The following ADRA2B variants were observed in gnomAD, a reference collection of about 807,000 sequenced individuals.
The protein encoded by ADRA2B is alpha-2B adrenergic receptor.
In ADRA2B, 14 loss-of-function variants were observed where a neutral mutation model predicts 14.4. The ratio of observed to expected loss-of-function variants is 0.97; its 90% CI spans 0.64 to 1.52. ADRA2B has a LOEUF of 1.52. Among genes scored for constraint, ADRA2B ranks in the 40% most tolerant of loss-of-function variants. The pLI is 0.00. For missense variants in ADRA2B, 606 were observed against 603.2 expected (o/e 1.00, Z -0.05); for synonymous variants, 250 against 263.7 (o/e 0.95, Z 0.50).
In ADRA2B at chr2:96,115,226, TTCCTCC is replaced by T. The variant is rs1354862709; in HGVS notation, c.918_923del (p.Glu308_Glu309del). 2.3e-5 allele frequency: 35 copies of T among 1,539,730 alleles called. No homozygotes were observed. Among genetic ancestry groups the T allele is most frequent in the Middle Eastern group, 1.7e-4 (1 of 5,982 alleles). On this transcript the variant is annotated inframe_deletion, in exon 1 of 1. Coordinates refer to ENST00000620793, the MANE Select transcript of ADRA2B (RefSeq NM_000682.7). Reference sequence around the variant, plus strand: ...CTGGCACTGCCTGGGGTTCACACTCTTCCTCCTCCTCCTCCTCCTCTTCCTCCTCTT... The same window carrying T: ...CTGGCACTGCCTGGGGTTCACACTCTTCCTCCTCCTCCTCTTCCTCCTCTT...
Position 96,115,444 on chromosome 2 carries a change from C to T in ADRA2B, c.706G>A (p.Ala236Thr). ...CTGGCAGAAGCCACAGAGGCCAGGG[C>T]TGGCAGTTTGGCTGAGGCCAAAGCC... ...GGALASAKLPALASVASAREV... is the reference protein window; with the variant it reads ...GGALASAKLPTLASVASAREV... The change falls in exon 1 of 1, where the codon GCC (alanine) becomes ACC (threonine). Residue 236 changes from alanine to threonine, a missense_variant. Transcript: ENST00000620793. 6.2e-7 allele frequency: 1 copy of T among 1,612,954 alleles called. No individual in the cohort carries two copies. The highest frequency in any genetic ancestry group is 8.5e-7 in the Non-Finnish European group (1 of 1,179,462).
rs1281377760 is a variant in ADRA2B at position 96,113,972 on chromosome 2, G to A, written c.*825C>T. Reference sequence around the variant, plus strand: ...AGTGTGTTCCCCCACAGAGCTCAAAGCTTTCTGCAAAGCCTTTCATCTCCC... The same window carrying A: ...AGTGTGTTCCCCCACAGAGCTCAAAACTTTCTGCAAAGCCTTTCATCTCCC... On this transcript the variant is annotated 3_prime_UTR_variant, in exon 1 of 1. Coordinates refer to ENST00000620793, the MANE Select transcript of ADRA2B (RefSeq NM_000682.7). 1.0e-6 allele frequency: 1 copy of A among 985,766 alleles called. No homozygotes were observed. The highest frequency in any genetic ancestry group is 1.2e-6 in the Non-Finnish European group (1 of 829,942). The allele number at this position is 985,766 out of a possible 1,614,324, so 61.1% of individuals were successfully genotyped here.
rs567807078 is a variant in ADRA2B at position 96,114,602 on chromosome 2, C to G, written c.*195G>C. The G allele has an allele frequency of 2.4e-5, 34 of 1,420,472 alleles. No homozygotes were observed. In the South Asian group the frequency reaches 4.6e-4, roughly 19 times the overall value. The allele number at this position is 1,420,472 out of a possible 1,614,324, so 88.0% of individuals were successfully genotyped here. A position where few individuals can be genotyped will look rare whatever the true frequency, so the allele number is the denominator to read the frequency against. ...GAGAAGGGGTCCCCCACAGCTAAGC[C>G]GGCAAGGGGAAGCTTCACTGGGACC... On this transcript the variant is annotated 3_prime_UTR_variant, in exon 1 of 1. Transcript: ENST00000620793.
chr2:96,115,565 G>A lies in ADRA2B; in HGVS notation c.585C>T (p.Ile195=). Residue 195 remains isoleucine, a synonymous_variant, in exon 1 of 1, where the codon ATC becomes ATT. Coordinates refer to ENST00000620793, the MANE Select transcript of ADRA2B (RefSeq NM_000682.7). ...GGTTGCTGCGTTTGGCGATCAGGTA[G>A]ATGCGCAGGTAGACAAGGATCATGA... is the stretch of plus-strand genomic sequence containing the variant. ...CLIMILVYLR[I]YLIAKRSNRR... The A allele has an allele frequency of 6.2e-7, 1 of 1,613,940 alleles. No homozygotes were observed. The highest frequency in any genetic ancestry group is 1.1e-5 in the South Asian group (1 of 91,092).
Position 96,116,079 on chromosome 2 carries a change from A to G in ADRA2B, c.71T>C (p.Leu24Pro). The change falls in exon 1 of 1, where the codon CTC (leucine) becomes CCC (proline). Residue 24 changes from leucine (L) to proline (P), a missense_variant. Physicochemically the swap from Leu to Pro is moderately conservative, Grantham distance 98. Transcript: ENST00000620793. ...CAGAGCGTTGCCGAAGATGGTAAAG[A>G]GAATGAGGAAGGTGATGGCCGCCGC... ...AIAAAITFLI[L>P]FTIFGNALVI... The G allele has an allele frequency of 6.2e-7, 1 of 1,612,618 alleles. No homozygotes were observed. Among genetic ancestry groups the G allele is most frequent in the Non-Finnish European group, 8.5e-7 (1 of 1,179,582 alleles).
At position 96,113,926 on chromosome 2, in the gene ADRA2B, T is replaced by C. The variant is rs756557066; in HGVS notation, c.*871A>G. ...GGAAAGGGATTTTTATATCACCATATAATCACATTTTTGGTTCTCTAGTGT... is the reference window on the plus strand; with the variant it reads ...GGAAAGGGATTTTTATATCACCATACAATCACATTTTTGGTTCTCTAGTGT... On this transcript the variant is annotated 3_prime_UTR_variant, in exon 1 of 1. Transcript: ENST00000620793. The C allele has an allele frequency of 2.3e-4, 222 of 985,770 alleles. No homozygotes were observed. Among genetic ancestry groups the C allele is most frequent in the Non-Finnish European group, 2.6e-4 (219 of 829,952 alleles). The allele number at this position is 985,770 out of a possible 1,614,324, so 61.1% of individuals were successfully genotyped here.
Position 96,115,404 on chromosome 2 carries a change from T to C in ADRA2B, c.746A>G (p.His249Arg). ...SVASAREVNG[H>R]SKSTGEKEEG... ...CTCCTTCTCCCCAGTGGACTTCGAG[T>C]GTCCGTTGACCTCTCTGGCAGAAGC... Residue 249 changes from histidine (H) to arginine (R), a missense_variant, in exon 1 of 1, where the codon CAC becomes CGC. Coordinates refer to ENST00000620793, the MANE Select transcript of ADRA2B (RefSeq NM_000682.7). 1 of 1,608,678 alleles carries C rather than the reference T, an allele frequency of 6.2e-7. No individual in the cohort carries two copies. The highest frequency in any genetic ancestry group is 8.5e-7 in the Non-Finnish European group (1 of 1,176,438).
At position 96,114,137 on chromosome 2, in the gene ADRA2B, G is replaced by A. The variant is rs772400466; in HGVS notation, c.*660C>T. ...GCATCCACGTGGCCACCCACCTACC[G>A]GAGGGGTGCTGGGTAAGGAAGCCGA... On this transcript the variant is annotated 3_prime_UTR_variant, in exon 1 of 1. Coordinates refer to ENST00000620793, the MANE Select transcript of ADRA2B (RefSeq NM_000682.7). 80 of 985,614 alleles carry A rather than the reference G, an allele frequency of 8.1e-5. No homozygotes were observed. The highest frequency in any genetic ancestry group is 1.4e-4 in the South Asian group (3 of 21,288). The allele number at this position is 985,614 out of a possible 1,614,324, so 61.1% of individuals were successfully genotyped here. A position where few individuals can be genotyped will look rare whatever the true frequency, so the allele number is the denominator to read the frequency against.
Position 96,115,970 on chromosome 2 carries a change from C to G in ADRA2B, c.180G>C (p.Leu60=). 6.2e-7 allele frequency: 1 copy of G among 1,613,774 alleles called. No individual in the cohort carries two copies. Residue 60 remains leucine (L), a synonymous_variant, in exon 1 of 1, where the codon CTG becomes CTC. Coordinates refer to ENST00000620793, the MANE Select transcript of ADRA2B (RefSeq NM_000682.7). ...AGAAAGGGATGATGAGCGTGGCCAC[C>G]AGGATGTCGGCGGCGGCCAGCGACA... The part of the protein sequence containing the change: ...FLVSLAAADI[L]VATLIIPFSL...
At position 96,115,416 on chromosome 2, in the gene ADRA2B, T is replaced by G. The variant is rs1190833206; in HGVS notation, c.734A>C (p.Glu245Ala). ...AGTGGACTTCGAGTGTCCGTTGACC[T>G]CTCTGGCAGAAGCCACAGAGGCCAG... is the stretch of plus-strand genomic sequence containing the variant. Reference protein sequence around the residue: ...PALASVASAREVNGHSKSTGE... With the variant: ...PALASVASARAVNGHSKSTGE... Residue 245 changes from glutamate to alanine, a missense_variant, in exon 1 of 1, where the codon GAG becomes GCG. By Grantham distance (107) the Glu-to-Ala change is moderately radical. Coordinates refer to ENST00000620793, the MANE Select transcript of ADRA2B (RefSeq NM_000682.7). The G allele has an allele frequency of 6.2e-7, 1 of 1,610,450 alleles. No individual in the cohort carries two copies.
In ADRA2B at chr2:96,112,995, A is replaced by G. The variant is rs540844696; in HGVS notation, c.*1802T>C. The G allele has an allele frequency of 1.0e-5, 4 of 394,824 alleles. No individual in the cohort carries two copies. Among genetic ancestry groups the G allele is most frequent in the Non-Finnish European group, 1.8e-5 (4 of 224,628 alleles). The allele number at this position is 394,824 out of a possible 1,614,324, so 24.5% of individuals were successfully genotyped here. ...ACACTGGGGGTCCCATGGGGCGCAC[A>G]CAAGACCGGCCAGCAGAGGGTCACA... On this transcript the variant is annotated 3_prime_UTR_variant, in exon 1 of 1. Transcript: ENST00000620793.
At position 96,115,669 on chromosome 2, in the gene ADRA2B, GC is replaced by G; in HGVS notation, c.480del (p.Arg161AlafsTer28). On this transcript the variant is annotated frameshift_variant, in exon 1 of 1. Transcript: ENST00000620793. LOFTEE classifies it low-confidence loss of function (END_TRUNC). The part of the protein sequence containing the change: ...YKGDQGPQPR[G>X]RPQCKLNQEA... ...TCCTGGTTGAGCTTGCACTGGGGGC[GC>G]CCGCGCGGCTGGGGGCCCTGGTCGC... 6.2e-7 allele frequency: 1 copy of G among 1,613,710 alleles called. No homozygotes were observed. Among genetic ancestry groups the G allele is most frequent in the Non-Finnish European group, 8.5e-7 (1 of 1,179,862 alleles).
At position 96,115,852 on chromosome 2, in the gene ADRA2B, TGGACGA is replaced by T; in HGVS notation, c.292_297del (p.Ser98_Ser99del). On this transcript the variant is annotated inframe_deletion, in exon 1 of 1. Transcript: ENST00000620793. ...AGGCTGATGGCGCACAGGTGCACGATGGACGAGGTGCAGAAGAGCACGTCGAGCGCC... is the reference window on the plus strand; with the variant it reads ...AGGCTGATGGCGCACAGGTGCACGATGGTGCAGAAGAGCACGTCGAGCGCC... The T allele has an allele frequency of 6.2e-7, 1 of 1,613,436 alleles. No homozygotes were observed. Among genetic ancestry groups the T allele is most frequent in the Non-Finnish European group, 8.5e-7 (1 of 1,179,724 alleles).
chr2:96,115,891 C>G lies in ADRA2B; in HGVS notation c.259G>C (p.Val87Leu), dbSNP rs1255741042. The change falls in exon 1 of 1, where the codon GTG becomes CTG. Residue 87 changes from valine to leucine, a missense_variant. Transcript: ENST00000620793. ...YWYFRRTWCE[V>L]YLALDVLFCT... The stretch of plus-strand genomic sequence containing the variant: ...AAGAGCACGTCGAGCGCCAGGTACA[C>G]CTCGCACCACGTGCGCCGGAAGTAC... 1 of 1,613,460 alleles carries G rather than the reference C, an allele frequency of 6.2e-7. No individual in the cohort carries two copies. Among genetic ancestry groups the G allele is most frequent in the Non-Finnish European group, 8.5e-7 (1 of 1,179,734 alleles).
rs902533572 is a variant in ADRA2B, at chr2:96,114,155, G to A, written c.*642C>T. On this transcript the variant is annotated 3_prime_UTR_variant, in exon 1 of 1. Coordinates refer to ENST00000620793, the MANE Select transcript of ADRA2B (RefSeq NM_000682.7). Reference sequence around the variant, plus strand: ...ACCTACCGGAGGGGTGCTGGGTAAGGAAGCCGATCCATTGTTCTGGCTTTC... The same window carrying A: ...ACCTACCGGAGGGGTGCTGGGTAAGAAAGCCGATCCATTGTTCTGGCTTTC... 18 of 985,644 alleles carry A rather than the reference G, an allele frequency of 1.8e-5. No homozygotes were observed. Among genetic ancestry groups the A allele is most frequent in the Non-Finnish European group, 1.9e-5 (16 of 830,028 alleles). The allele number at this position is 985,644 out of a possible 1,614,324, so 61.1% of individuals were successfully genotyped here.
In ADRA2B at chr2:96,115,592, G is replaced by T; in HGVS notation, c.558C>A (p.Leu186=). Residue 186 remains leucine, a synonymous_variant, in exon 1 of 1, where the codon CTC becomes CTA. Coordinates refer to ENST00000620793, the MANE Select transcript of ADRA2B (RefSeq NM_000682.7). ...TGCGCAGGTAGACAAGGATCATGAT[G>T]AGGCAAGGAGCAAAGAAAGATCCGA... ...SSIGSFFAPC[L]IMILVYLRIY... The T allele has an allele frequency of 6.2e-7, 1 of 1,613,950 alleles. No individual in the cohort carries two copies. Among genetic ancestry groups the T allele is most frequent in the Non-Finnish European group, 8.5e-7 (1 of 1,179,900 alleles).
In ADRA2B at chr2:96,113,128, C is replaced by T. The variant is rs1314589166; in HGVS notation, c.*1669G>A. 2 of 398,394 alleles carry T rather than the reference C, an allele frequency of 5.0e-6. No individual in the cohort carries two copies. Among genetic ancestry groups the T allele is most frequent in the Non-Finnish European group, 4.4e-6 (1 of 226,050 alleles). 24.7% of individuals were successfully genotyped at this position (398,394 alleles called of 1,614,324 possible). A position where few individuals can be genotyped will look rare whatever the true frequency, so the allele number is the denominator to read the frequency against. On this transcript the variant is annotated 3_prime_UTR_variant, in exon 1 of 1. Coordinates refer to ENST00000620793, the MANE Select transcript of ADRA2B (RefSeq NM_000682.7). ...GAAGCCTCCCACACCCCAGGAAGGA[C>T]TCTTTTTGGTCCCCTCCATTCTCTC...
Position 96,115,238 on chromosome 2 carries a change from C to CTCCTCCTCT in ADRA2B, c.903_911dup (p.Glu307_Glu309dup), listed in dbSNP as rs4066772. ...GGGGTTCACACTCTTCCTCCTCCTC[C>CTCCTCCTCT]TCCTCCTCTTCCTCCTCTTCAGCTT... On this transcript the variant is annotated inframe_insertion, in exon 1 of 1. Coordinates refer to ENST00000620793, the MANE Select transcript of ADRA2B (RefSeq NM_000682.7). 1 of 1,557,926 alleles carries CTCCTCCTCT rather than the reference C, an allele frequency of 6.4e-7. No individual in the cohort carries two copies. The highest frequency in any genetic ancestry group is 1.2e-5 in the South Asian group (1 of 85,360).
Position 96,116,131 on chromosome 2 carries a change from A to T in ADRA2B, c.19T>A (p.Tyr7Asn), listed in dbSNP as rs1318253155. 1 of 1,610,904 alleles carries T rather than the reference A, an allele frequency of 6.2e-7. No individual in the cohort carries two copies. Among genetic ancestry groups the T allele is most frequent in the East Asian group, 2.2e-5 (1 of 44,814 alleles). Residue 7 changes from tyrosine (Y) to asparagine (N), a missense_variant, in exon 1 of 1, where the codon TAC (tyrosine) becomes AAC (asparagine). Physicochemically the swap from Tyr to Asn is moderately radical, Grantham distance 143. Transcript: ENST00000620793. MDHQDP[Y>N]SVQATAAIAA... ...ATGGCCGCTGTGGCCTGCACGGAGT[A>T]GGGGTCCTGGTGGTCCATGACGGGG...
Sources: allele counts gnomAD v4.1 joint callset, GRCh38; gene constraint gnomAD v4.1.1; transcripts MANE v1.5; gene names NCBI Gene and HGNC (gene_info 2026-07-23, HGNC 2026-07-21).